VWA3B: variants seen among roughly 807,000 people sequenced by gnomAD.
VWA3B encodes the protein von Willebrand factor A domain containing 3B.
In VWA3B, 138 loss-of-function variants were observed where a neutral mutation model predicts 158.3. The ratio of observed to expected loss-of-function variants is 0.87; its 90% CI spans 0.76 to 1.00. The LOEUF (loss-of-function observed/expected upper bound fraction) is 1.00. VWA3B is among the 50% of genes least tolerant of loss of function. The pLI is 0.00. For synonymous variants in VWA3B, 596 were observed against 587.3 expected (o/e 1.01, Z -0.21); for missense variants, 1,555 against 1,565.1 (o/e 0.99, Z 0.11).
intron 15 of VWA3B, among the ~76,000 whole-genome samples, chr2:98,229,199 A>G (rs2105690713): frequency 6.6e-6 from 1 of 152,338 alleles, no homozygotes; most frequent in African/African-American, 2.4e-5. Context: ...AAATTTCAAA[A>G]ATTTGAACAA....
At chr2:98,104,515 T>C (rs1345350515) in intron 2 of VWA3B, among the ~76,000 whole-genome samples, 1 of 152,244 alleles carries the variant, frequency 6.6e-6, no homozygotes, top group African/African-American at 2.4e-5. Flanking sequence ...AAGCCATTCA[T>C]GAGGGATCTG....
chr2:98,194,667 C>T (rs1444902006), intron 12 of VWA3B, among the ~76,000 whole-genome samples, 175 bp downstream of exon 12: 1 of 152,146 alleles, frequency 6.6e-6, no homozygotes, highest in Non-Finnish European at 1.5e-5. Flanking sequence ...CTCATTTTGT[C>T]AATATCATAA....
rs544333155 is a variant in VWA3B, at chr2:98,274,682, A to G, written c.3045+3799A>G. On this transcript the variant is annotated intron_variant, in intron 22 of 27. Transcript: ENST00000477737. ...GAACTTATGCCTGTAGGAAATGGAC[A>G]CCAGGGAGGGGTTTTCAGCAAGTCA... Among the ~76,000 whole-genome samples the G allele has an allele frequency of 2.8e-4, 42 of 152,284 alleles. 1 individual carries two copies. The highest frequency in any genetic ancestry group is 9.4e-4 in the African/African-American group (39 of 41,558).
the VWA3B span, among the ~76,000 whole-genome samples, chr2:98,322,790 A>G: frequency 0.019 from 2,850 of 152,310 alleles, 54 homozygotes; most frequent in South Asian, 0.031. Context: ...TCCCTGGATG[A>G]CCACTATATT....
the VWA3B span, among the ~76,000 whole-genome samples, chr2:98,322,624 A>G: frequency 6.6e-6 from 1 of 152,220 alleles, no homozygotes; most frequent in Non-Finnish European, 1.5e-5. Context: ...CTGCTTTTTA[A>G]CTGAAATGCA....
At chr2:98,320,445 A>G in the VWA3B span, among the ~76,000 whole-genome samples, 1 of 152,184 alleles carries the variant, frequency 6.6e-6, no homozygotes, top group Non-Finnish European at 1.5e-5. Context: ...GGAACTGGAT[A>G]ACAGGCAGAG....
chr2:98,178,901 GA>G (rs1167790301), intron 8 of VWA3B, among the ~76,000 whole-genome samples: 1 of 152,152 alleles, frequency 6.6e-6, no homozygotes, highest in Non-Finnish European at 1.5e-5. Flanking sequence ...GTTCATGTTA[GA>G]AAAAAACATT....
the VWA3B span, among the ~76,000 whole-genome samples, chr2:98,327,499 T>C: frequency 2.6e-5 from 4 of 152,324 alleles, no homozygotes; most frequent in East Asian, 1.9e-4. Flanking sequence ...GTTAAATTCA[T>C]ACAAGAAATA....
At chr2:98,119,803 A>G (rs1203336488) in intron 4 of VWA3B, 40 bp downstream of exon 4, 3 of 1,606,308 alleles carry the variant, frequency 1.9e-6, no homozygotes, top group African/African-American at 2.7e-5. Context: ...GTGAAAGTTC[A>G]TAGTAATTTG....
chr2:98,186,831 G>A (rs1396959356), intron 9 of VWA3B, among the ~76,000 whole-genome samples: 1 of 151,992 alleles, frequency 6.6e-6, no homozygotes, highest in East Asian at 1.9e-4. Context: ...CAGACATGTT[G>A]CTGCTCTCGT....
At chr2:98,300,530 G>A (rs573896143) in intron 25 of VWA3B, among the ~76,000 whole-genome samples, 11 of 152,038 alleles carry the variant, frequency 7.2e-5, no homozygotes, top group East Asian at 5.8e-4. Context: ...CCTCATCCTC[G>A]CGTCCTCATC....
At chr2:98,232,380 C>G (rs1289542434) in intron 16 of VWA3B, among the ~76,000 whole-genome samples, 5 of 152,100 alleles carry the variant, frequency 3.3e-5, no homozygotes, top group African/African-American at 9.7e-5. Flanking sequence ...TTTTTTCTAT[C>G]TAGCTAGAGG....
At chr2:98,269,272 C>T (rs574896361) in intron 21 of VWA3B, 1 of 152,218 alleles carries the variant, frequency 6.6e-6, no homozygotes, top group East Asian at 1.9e-4. Flanking sequence ...GAAACCTTTT[C>T]TGGGGATGTG....
In VWA3B at chr2:98,312,526, C is replaced by T. The variant is rs1348255766; in HGVS notation, c.*177C>T. 10 of 718,606 alleles carry T rather than the reference C, an allele frequency of 1.4e-5. No homozygotes were observed. The highest frequency in any genetic ancestry group is 2.1e-5 in the Non-Finnish European group (10 of 465,282). 44.5% of individuals were successfully genotyped at this position (718,606 alleles called of 1,614,324 possible). A position where few individuals can be genotyped will look rare whatever the true frequency, so the allele number is the denominator to read the frequency against. On this transcript the variant is annotated 3_prime_UTR_variant, in exon 28 of 28. Coordinates refer to ENST00000477737, the MANE Select transcript of VWA3B (RefSeq NM_144992.5). Reference sequence around the variant, plus strand: ...CTCCATCCCTGCTGCCTCCCCTACCCGTTTGACGACTTGGTTCTGGCTTTT... The same window carrying T: ...CTCCATCCCTGCTGCCTCCCCTACCTGTTTGACGACTTGGTTCTGGCTTTT...
At chr2:98,145,214 T>C (rs1677084371) in intron 7 of VWA3B, among the ~76,000 whole-genome samples, 4 of 152,230 alleles carry the variant, frequency 2.6e-5, no homozygotes, top group Admixed American at 2.6e-4. Context: ...CAAGATTCCT[T>C]GGATTGTATC....
At chr2:98,170,606 A>G (rs1324915437) in intron 8 of VWA3B, among the ~76,000 whole-genome samples, 2 of 138,840 alleles carry the variant, frequency 1.4e-5, no homozygotes, top group Non-Finnish European at 3.2e-5. Flanking sequence ...CAGAGTTAGG[A>G]AGATTTTTTT....
chr2:98,098,135 C>A (rs975143277), intron 2 of VWA3B, among the ~76,000 whole-genome samples: 3 of 151,990 alleles, frequency 2.0e-5, no homozygotes, highest in African/African-American at 7.3e-5. Context: ...GTTTTGTGAC[C>A]TAACATATCA....
intron 12 of VWA3B, chr2:98,207,831 C>T (rs1479047046): frequency 9.4e-6 from 2 of 212,008 alleles, no homozygotes; most frequent in Non-Finnish European, 1.9e-5. Context: ...CACATGAGAA[C>T]CTTGATTGAA....
At chr2:98,113,556 A>G (rs1239661053) in intron 2 of VWA3B, among the ~76,000 whole-genome samples, 1 of 152,192 alleles carries the variant, frequency 6.6e-6, no homozygotes, top group African/African-American at 2.4e-5. Flanking sequence ...GATACTATAT[A>G]TTATTTATAA....
Sources: allele counts gnomAD v4.1 joint callset (sites outside exome capture counted in the v4.1 genomes callset), GRCh38; gene constraint gnomAD v4.1.1; transcripts MANE v1.5; gene names NCBI Gene and HGNC (gene_info 2026-07-23, HGNC 2026-07-21).